The following DSP variants were observed in gnomAD, a reference collection of about 807,000 sequenced individuals.
The protein encoded by DSP is desmoplakin.
In DSP, 114 loss-of-function variants were observed where a neutral mutation model predicts 290.6. The observed-to-expected ratio is 0.39, with a 90% CI of 0.34 to 0.46. DSP has a LOEUF of 0.46. Among genes scored for constraint, DSP ranks in the 20% least tolerant of loss-of-function variants. DSP has a pLI of 0.99. For missense variants in DSP, 3,230 were observed against 3,495.8 expected, an observed-to-expected ratio of 0.92 and a Z score of 1.92; for synonymous variants, 1,311 against 1,316.4, an observed-to-expected ratio of 1.00 and a Z score of 0.09.
At chr6:7,556,119 A>G (rs981121692) in intron 2 of DSP, among the ~76,000 whole-genome samples, 2 of 152,184 alleles carry the variant, frequency 1.3e-5, no homozygotes, top group African/African-American at 4.8e-5. Context: ...ACTTTTTGAT[A>G]CTTTCCCTTC....
At chr6:7,545,078 AC>A (rs1758134062) in intron 1 of DSP, among the ~76,000 whole-genome samples, 1 of 152,154 alleles carries the variant, frequency 6.6e-6, no homozygotes, top group Non-Finnish European at 1.5e-5. Context: ...TCTTTCTTTC[AC>A]CCATCAAAGG....
chr6:7,585,343 C>G lies in DSP; in HGVS notation c.8081C>G (p.Ala2694Gly). The G allele has an allele frequency of 1.2e-6, 2 of 1,614,124 alleles. No homozygotes were observed. The highest frequency in any genetic ancestry group is 1.7e-6 in the Non-Finnish European group (2 of 1,180,020). The change falls in exon 24 of 24, where the codon GCC (alanine) becomes GGC (glycine). Residue 2694 changes from alanine to glycine, a missense_variant. Physicochemically the swap from Ala to Gly is moderately conservative, Grantham distance 60 (BLOSUM62 0). Coordinates refer to ENST00000379802, the MANE Select transcript of DSP (RefSeq NM_004415.4). Reference protein sequence around the residue: ...MATRLKPAQKAFIGFEGVKGK... With the variant: ...MATRLKPAQKGFIGFEGVKGK... ...ACCAGGCTGAAGCCTGCTCAGAAAG[C>G]CTTCATAGGCTTCGAGGGTGTGAAG...
rs1759344349 is a variant in DSP at position 7,579,408 on chromosome 6, A to T, written c.3218A>T (p.Lys1073Ile). The T allele has an allele frequency of 1.9e-6, 3 of 1,614,086 alleles. No homozygotes were observed. In the South Asian group the frequency reaches 3.3e-5, roughly 18 times the overall value. ...QKYQAECSQF[K>I]AKLASLEELK... The stretch of plus-strand genomic sequence containing the variant: ...TACCAGGCAGAGTGTTCCCAGTTCA[A>T]AGCGAAGCTTGCGAGCCTGGAGGAG... The change falls in exon 23 of 24, where the codon AAA (lysine) becomes ATA (isoleucine). Residue 1073 changes from lysine (K) to isoleucine (I), a missense_variant. By Grantham distance (102) the Lys-to-Ile change is moderately radical. Around this residue, in one of 5 missense-constraint regions of DSP, gnomAD observed 1,714 missense variants for 1,844.5 expected, o/e 0.93. Transcript: ENST00000379802. This position sits in a 1 kb window ranked among gnomAD's most constrained non-coding sequence, Gnocchi z 4.1.
chr6:7,546,741 A>G (rs779735250), intron 1 of DSP, among the ~76,000 whole-genome samples: 8 of 152,216 alleles, frequency 5.3e-5, no homozygotes, highest in Admixed American at 2.6e-4. Context: ...TTTCATAATC[A>G]TTGTATTCTT....
Position 7,552,564 on chromosome 6 carries a change from G to GAA in DSP, c.171-3138_171-3137dup, listed in dbSNP as rs377022218. Among the ~76,000 whole-genome samples the GAA allele has an allele frequency of 4.3e-3, 437 of 101,602 alleles. 4 individuals are homozygous for GAA. Among genetic ancestry groups the GAA allele is most frequent in the African/African-American group, 0.015 (394 of 26,500 alleles). The allele number at this position is 101,602 out of a possible 152,430, so 66.7% of individuals were successfully genotyped here. On this transcript the variant is annotated intron_variant, in intron 1 of 23. Coordinates refer to ENST00000379802, the MANE Select transcript of DSP (RefSeq NM_004415.4). ...GGTGACAGAGCAAGACTCCATCTCG[G>GAA]AAAAAAAAAAAAAAAAAGAACATAT...
rs1218975129 is a variant in DSP at position 7,578,479 on chromosome 6, G to T, written c.3001G>T (p.Ala1001Ser). 8.7e-6 allele frequency: 14 copies of T among 1,613,296 alleles called. No homozygotes were observed. Among genetic ancestry groups the T allele is most frequent in the Non-Finnish European group, 1.2e-5 (14 of 1,179,730 alleles). Residue 1001 changes from alanine to serine, a missense_variant, in exon 22 of 24, where the codon GCT becomes TCT. This residue lies in a region of DSP where 1,714 missense variants were observed against 1,844.5 expected (regional missense o/e 0.93). Coordinates refer to ENST00000379802, the MANE Select transcript of DSP (RefSeq NM_004415.4). ...TTTCTCCAAGGCTGCAGATGTTCAT[G>T]CTCGGTACATTGAACTACTTACAAG... ...VILQEAADVHARYIELLTRSG... is the reference protein window; with the variant it reads ...VILQEAADVHSRYIELLTRSG...
intron 10 of DSP, among the ~76,000 whole-genome samples, 187 bp from the exon 11 acceptor site, chr6:7,568,250 A>T (rs1405506355): frequency 6.6e-6 from 1 of 152,206 alleles, no homozygotes; most frequent in African/African-American, 2.4e-5. Context: ...TCCTGCCTGC[A>T]TAGCTTCTGG....
In DSP at chr6:7,547,421, TTTTG is replaced by T. The variant is rs574938920; in HGVS notation, c.170+5356_170+5359del. Among the ~76,000 whole-genome samples, 25 of 151,934 alleles carry T rather than the reference TTTTG, an allele frequency of 1.6e-4. No homozygotes were observed. In the East Asian group the frequency reaches 1.9e-3, roughly 12 times the overall value. On this transcript the variant is annotated intron_variant, in intron 1 of 23. Coordinates refer to ENST00000379802, the MANE Select transcript of DSP (RefSeq NM_004415.4). ...ATCAAAGGTTCTGCTTGGAATTACA[TTTTG>T]TTTGTTTGTTTGTTTGTTTTGAGAT...
chr6:7,542,411 C>G (rs914170776), intron 1 of DSP, among the ~76,000 whole-genome samples: 2 of 152,146 alleles, frequency 1.3e-5, no homozygotes, highest in Admixed American at 1.3e-4. Flanking sequence ...TGTCCCAGCC[C>G]GCGAATGGGA....
At chr6:7,548,914 C>T (rs867663117) in intron 1 of DSP, among the ~76,000 whole-genome samples, 55 of 152,232 alleles carry the variant, frequency 3.6e-4, no homozygotes, top group Middle Eastern at 3.4e-3. Flanking sequence ...TTCTGTGTGC[C>T]GAACCTTATT....
In DSP at chr6:7,571,520, C is replaced by T. The variant is rs397516921; in HGVS notation, c.1839C>T (p.Thr613=). The part of the protein sequence containing the change: ...DDKRKIQSQF[T]DAQKHYQTLV... ...AGCGGAAAATACAGTCTCAGTTCACCGATGCCCAGAAGCATTACCAGACCC... is the reference window on the plus strand; with the variant it reads ...AGCGGAAAATACAGTCTCAGTTCACTGATGCCCAGAAGCATTACCAGACCC... Residue 613 remains threonine (T), a synonymous_variant, in exon 14 of 24, where the codon ACC becomes ACT. Coordinates refer to ENST00000379802, the MANE Select transcript of DSP (RefSeq NM_004415.4). The T allele has an allele frequency of 1.4e-5, 23 of 1,614,054 alleles. No individual in the cohort carries two copies. Among genetic ancestry groups the T allele is most frequent in the African/African-American group, 1.3e-4 (10 of 74,912 alleles).
chr6:7,581,986 C>T (rs1759453121), intron 23 of DSP, among the ~76,000 whole-genome samples: 1 of 151,826 alleles, frequency 6.6e-6, no homozygotes, highest in African/African-American at 2.4e-5. Context: ...TTTCTTTTGC[C>T]TGCTTAGATG....
At chr6:7,553,691 C>T (rs993525610) in intron 1 of DSP, among the ~76,000 whole-genome samples, 2 of 152,184 alleles carry the variant, frequency 1.3e-5, no homozygotes, top group African/African-American at 2.4e-5. Flanking sequence ...GTATGAGAAA[C>T]GGACCTCATT....
chr6:7,576,297 A>G lies in DSP; in HGVS notation c.2634A>G (p.Leu878=). ...QRIDKQIDFR[L]WDLEKQIKQL... ...TATTGTATCTATTTCCCCCCAGGTT[A>G]TGGGACCTGGAGAAACAAATCAAGC... is the stretch of plus-strand genomic sequence containing the variant. The change falls in exon 19 of 24, where the codon TTA becomes TTG. Residue 878 remains leucine, a synonymous_variant. Coordinates refer to ENST00000379802, the MANE Select transcript of DSP (RefSeq NM_004415.4). 6.2e-7 allele frequency: 1 copy of G among 1,613,668 alleles called. No individual in the cohort carries two copies. Among genetic ancestry groups the G allele is most frequent in the Non-Finnish European group, 8.5e-7 (1 of 1,179,590 alleles).
intron 4 of DSP, 145 bp downstream of exon 4, chr6:7,559,545 CA>C: frequency 2.9e-6 from 3 of 1,018,160 alleles, no homozygotes; most frequent in Non-Finnish European, 4.5e-6. Context: ...TCCTCCTATA[CA>C]ATTTGAAAAG....
In DSP at chr6:7,581,310, A is replaced by T. The variant is rs768870428; in HGVS notation, c.5120A>T (p.Gln1707Leu). 5.6e-6 allele frequency: 9 copies of T among 1,614,100 alleles called. No homozygotes were observed. The highest frequency in any genetic ancestry group is 7.6e-6 in the Non-Finnish European group (9 of 1,180,054). Residue 1707 changes from glutamine to leucine, a missense_variant, in exon 23 of 24, where the codon CAG becomes CTG. Gln to Leu is a moderately radical substitution (Grantham distance 113, BLOSUM62 -2). Around this residue, in one of 5 missense-constraint regions of DSP, gnomAD observed 1,714 missense variants for 1,844.5 expected, o/e 0.93. Transcript: ENST00000379802. ...NESKIEIERL[Q>L]SLTENLTKEH... ...AGCAAAATAGAAATTGAGAGGCTGC[A>T]GTCTCTCACAGAGAACCTGACCAAG...
At position 7,580,598 on chromosome 6, in the gene DSP, G is replaced by C. The variant is rs1355903558; in HGVS notation, c.4408G>C (p.Asp1470His). 10 of 1,614,116 alleles carry C rather than the reference G, an allele frequency of 6.2e-6. No homozygotes were observed. The highest frequency in any genetic ancestry group is 6.8e-6 in the Non-Finnish European group (8 of 1,180,022). Residue 1470 changes from aspartate (D) to histidine (H), a missense_variant, in exon 23 of 24, where the codon GAT (aspartate) becomes CAT (histidine). Asp to His is a moderately conservative substitution (Grantham distance 81). Transcript: ENST00000379802. The surrounding 1 kb of genome is among the most constrained non-coding windows in gnomAD (Gnocchi z 4.2). Reference protein sequence around the residue: ...EESVRYKQSLDDAAKTIQDKN... With the variant: ...EESVRYKQSLHDAAKTIQDKN... ...GAGCGTAAGATATAAGCAATCTCTT[G>C]ATGATGCTGCCAAAACCATCCAGGA...
intron 12 of DSP, 123 bp from the exon 13 acceptor site, chr6:7,570,314 A>C (rs1021111938): frequency 7.1e-7 from 1 of 1,409,756 alleles, no homozygotes; most frequent in African/African-American, 1.4e-5. Flanking sequence ...TTATACCTCT[A>C]CCTGTTACTT....
chr6:7,562,379 T>G (rs2113664540), intron 4 of DSP, among the ~76,000 whole-genome samples: 1 of 152,150 alleles, frequency 6.6e-6, no homozygotes, highest in African/African-American at 2.4e-5. Context: ...TTTGGTTTTT[T>G]TTTTTTTTCA....
Sources: allele counts gnomAD v4.1 joint callset (sites outside exome capture counted in the v4.1 genomes callset), GRCh38; gene constraint gnomAD v4.1.1; regional missense constraint gnomAD v4.1.1; non-coding constraint Gnocchi (gnomAD v3.1); transcripts MANE v1.5; gene names NCBI Gene and HGNC (gene_info 2026-07-23, HGNC 2026-07-21).